Variants in FANCB observed in about 807,000 individuals in gnomAD.
FANCB encodes Fanconi anemia group B protein.
A neutral mutation model predicts 38.9 loss-of-function variants in FANCB; 5 were observed. That is an observed-to-expected ratio of 0.13 (90% CI 0.07 to 0.27). The LOEUF is 0.27. Among genes scored for constraint, FANCB ranks in the 10% least tolerant of loss-of-function variants. FANCB has a pLI of 1.00. For synonymous variants in FANCB, 236 were observed against 215.4 expected, an observed-to-expected ratio of 1.10 and a Z score of -0.84; for missense variants, 573 against 602.7, an observed-to-expected ratio of 0.95 and a Z score of 0.52.
the FANCB span, among the ~76,000 whole-genome samples, chrX:14,758,154 C>CG: frequency 1.8e-5 from 2 of 110,942 alleles, no homozygotes; most frequent in African/African-American, 6.6e-5. Flanking sequence ...ACAGTGCCCC[C>CG]GGGAACATAA....
chrX:14,863,507 A>G (rs1444982109), intron 3 of FANCB, among the ~76,000 whole-genome samples: 1 of 112,411 alleles, frequency 8.9e-6, no homozygotes, highest in Non-Finnish European at 1.9e-5. Context: ...ATACAGAGTC[A>G]GAGAAATATT....
downstream of FANCB, among the ~76,000 whole-genome samples, chrX:14,839,346 G>A (rs997320697): frequency 9.1e-6 from 1 of 110,328 alleles, no homozygotes; most frequent in African/African-American, 3.3e-5. Flanking sequence ...AGAAAGAAAT[G>A]AGAACTGAAA....
chrX:14,805,003 A>G, the FANCB span, among the ~76,000 whole-genome samples: 4 of 111,889 alleles, frequency 3.6e-5, no homozygotes, highest in African/African-American at 1.3e-4. Flanking sequence ...CCTAATCTAC[A>G]CCTCCAGTCC....
At chrX:14,784,931 G>A in the FANCB span, among the ~76,000 whole-genome samples, 2 of 111,857 alleles carry the variant, frequency 1.8e-5, no homozygotes, top group Non-Finnish European at 3.8e-5. Context: ...ACCAAACAGC[G>A]CATGTTCTCA....
chrX:14,757,950 G>C, the FANCB span, among the ~76,000 whole-genome samples: 1 of 111,708 alleles, frequency 9.0e-6, no homozygotes, highest in Non-Finnish European at 1.9e-5. Flanking sequence ...TGGGAGGCTG[G>C]TAGCCTGGGG....
At chrX:14,734,071 C>G in the FANCB span, among the ~76,000 whole-genome samples, 1 of 111,970 alleles carries the variant, frequency 8.9e-6, no homozygotes, top group Non-Finnish European at 1.9e-5. Context: ...CCTGTCTCAT[C>G]AAAAAGAGAA....
the FANCB span, among the ~76,000 whole-genome samples, chrX:14,772,285 C>A: frequency 8.9e-6 from 1 of 112,189 alleles, no homozygotes; most frequent in Admixed American, 9.4e-5. Flanking sequence ...AAAGTTCTGT[C>A]TATAGAACCC....
chrX:14,715,804 A>G, the FANCB span, among the ~76,000 whole-genome samples: 7 of 111,538 alleles, frequency 6.3e-5, no homozygotes, highest in Non-Finnish European at 1.1e-4. Context: ...CACACAAAGG[A>G]GCTTGGGAGT....
rs759926657 is a variant in FANCB, at chrX:14,845,100, C to T, written c.1683G>A (p.Glu561=). The change falls in exon 8 of 10, where the codon GAG becomes GAA. Residue 561 remains glutamate (E), a synonymous_variant. Transcript: ENST00000650831. ...ATGGGTGTTCACAAACAAAGCTTTC[C>T]TCTTTCTTGCTATCAGGGGTCAACG... ...RVTLTPDSKK[E]ESFVCEHPSK... is the part of the protein sequence containing the mutation. The T allele has an allele frequency of 2.5e-6, 3 of 1,209,579 alleles. No individual in the cohort carries two copies. The African/African-American group carries it at 5.2e-5, about 21-fold the overall frequency.
the FANCB span, chrX:14,731,394 T>C: frequency 8.9e-6 from 1 of 111,968 alleles, no homozygotes; most frequent in Non-Finnish European, 1.9e-5. Flanking sequence ...GACTAGTCAT[T>C]GCAGCTACTC....
the FANCB span, among the ~76,000 whole-genome samples, chrX:14,794,316 T>G: frequency 9.0e-6 from 1 of 111,206 alleles, no homozygotes; most frequent in African/African-American, 3.3e-5. Context: ...AGTTTTTATG[T>G]TGGGTGGCTG....
At chrX:14,770,239 G>A in the FANCB span, among the ~76,000 whole-genome samples, 102 of 111,938 alleles carry the variant, frequency 9.1e-4, no homozygotes, top group Non-Finnish European at 1.8e-3. Context: ...TGTCAGTGGG[G>A]TGTTAAAGTC....
At position 14,853,294 on chromosome X, in the gene FANCB, C is replaced by T; in HGVS notation, c.1198-127G>A. On this transcript the variant is annotated intron_variant, in intron 5 of 9. Transcript: ENST00000650831. The stretch of plus-strand genomic sequence containing the variant: ...TCATTTTTCTATAGAAAATAAAATA[C>T]TTCTCAGAGCAAAACAGTTTTGTTT... 9 of 570,301 alleles carry T rather than the reference C, an allele frequency of 1.6e-5. No individual in the cohort carries two copies. In the South Asian group the frequency reaches 2.6e-4, roughly 16 times the overall value. 47.0% of individuals were successfully genotyped at this position (570,301 alleles called of 1,213,427 possible).
At position 14,850,587 on chromosome X, in the gene FANCB, C is replaced by T; in HGVS notation, c.1414G>A (p.Glu472Lys). 1 of 1,193,824 alleles carries T rather than the reference C, an allele frequency of 8.4e-7. No homozygotes were observed. Among genetic ancestry groups the T allele is most frequent in the Non-Finnish European group, 1.1e-6 (1 of 879,557 alleles). Reference protein sequence around the residue: ...EKLSDNFQDSEQLVEKIWYRV... With the variant: ...EKLSDNFQDSKQLVEKIWYRV... ...TACCATATCTTCTCTACTAGCTGTT[C>T]TGAATCTTGAAAATTGTCTGATAAC... Residue 472 changes from glutamate to lysine, a missense_variant, in exon 7 of 10, where the codon GAA becomes AAA. Transcript: ENST00000650831.
At chrX:14,867,035 C>A (rs2147452377) in intron 2 of FANCB, among the ~76,000 whole-genome samples, 1 of 110,991 alleles carries the variant, frequency 9.0e-6, no homozygotes, top group South Asian at 3.7e-4. Context: ...CCAAAAAGGT[C>A]AATGATCTCT....
At chrX:14,857,818 GA>G in intron 5 of FANCB, 43 bp downstream of exon 5, 1 of 866,709 alleles carries the variant, frequency 1.2e-6, no homozygotes, top group Non-Finnish European at 1.7e-6. Flanking sequence ...CCTTCATTTA[GA>G]ATAACACTAA....
chrX:14,782,065 T>G, the FANCB span, among the ~76,000 whole-genome samples: 4 of 112,126 alleles, frequency 3.6e-5, no homozygotes, highest in African/African-American at 1.3e-4. Context: ...TTAGATAAGG[T>G]CACCAGCAGT....
At chrX:14,762,129 G>C in the FANCB span, among the ~76,000 whole-genome samples, 1 of 111,115 alleles carries the variant, frequency 9.0e-6, no homozygotes, top group Non-Finnish European at 1.9e-5. Context: ...GCACCTTGTT[G>C]CTGCATCCTC....
At chrX:14,714,072 T>G in the FANCB span, among the ~76,000 whole-genome samples, 1 of 110,913 alleles carries the variant, frequency 9.0e-6, no homozygotes, top group East Asian at 2.8e-4. Context: ...AGGTTCTGGT[T>G]TGAAGCTTGA....
Sources: gnomAD v4.1 joint callset for allele counts (sites outside exome capture counted in the v4.1 genomes callset) on GRCh38, gnomAD v4.1.1 for gene constraint, MANE v1.5 for transcripts, NCBI Gene and HGNC (gene_info 2026-07-23, HGNC 2026-07-21) for gene names.